Variants in DCC observed in about 807,000 individuals in gnomAD.
The protein encoded by DCC is netrin receptor DCC.
Under a neutral mutation model 172.5 loss-of-function variants are expected in DCC, and 58 were observed. The ratio of observed to expected loss-of-function variants is 0.34; its 90% confidence interval spans 0.27 to 0.42. The LOEUF is 0.42. Among genes scored for constraint, DCC ranks in the 10% least tolerant of loss-of-function variants. DCC has a pLI of 1.00. For synonymous variants in DCC, 709 were observed against 644.5 expected, an observed-to-expected ratio of 1.10 and a Z score of -1.52; for missense variants, 1,740 against 1,791.0, an observed-to-expected ratio of 0.97 and a Z score of 0.51.
intron 15 of DCC, among the ~76,000 whole-genome samples, chr18:53,358,352 G>A (rs776599059): frequency 4.6e-5 from 7 of 151,746 alleles, no homozygotes; most frequent in Non-Finnish European, 7.4e-5. Context: ...CATATGGCAG[G>A]CAGTTGTTTA....
chr18:53,444,565 C>T (rs1264488113), intron 22 of DCC, among the ~76,000 whole-genome samples: 1 of 152,178 alleles, frequency 6.6e-6, no homozygotes, highest in East Asian at 1.9e-4. Flanking sequence ...CCAACCTCAT[C>T]ACTCAGCAGC....
At chr18:52,551,551 T>C (rs1256490591) in intron 1 of DCC, among the ~76,000 whole-genome samples, 1 of 151,962 alleles carries the variant, frequency 6.6e-6, no homozygotes, top group Non-Finnish European at 1.5e-5. Context: ...GATAAGACAA[T>C]GATCCAGAAG....
At chr18:52,861,328 C>T (rs1383933281) in intron 2 of DCC, among the ~76,000 whole-genome samples, 1 of 152,168 alleles carries the variant, frequency 6.6e-6, no homozygotes, top group African/African-American at 2.4e-5. Flanking sequence ...ACTTCAATTC[C>T]TCAAAGCAGT....
chr18:53,425,379 A>ATTTTTTTTTTT, intron 21 of DCC, among the ~76,000 whole-genome samples: 1 of 38,302 alleles, frequency 2.6e-5, no homozygotes, highest in South Asian at 6.0e-4. Context: ...TTTTTTTTTG[A>ATTTTTTTTTTT]GACAGAGTCT....
At position 53,460,937 on chromosome 18, in the gene DCC, G is replaced by C. The variant is rs987364882; in HGVS notation, c.3619+1479G>C. On this transcript the variant is annotated intron_variant, in intron 24 of 28. Transcript: ENST00000442544. ...TCCTATTTCTCCACATCCTCTCCAG[G>C]ACCTGTTGTTTCCTGACTTTTTAAT... Among the ~76,000 whole-genome samples, 150 of 151,816 alleles carry C rather than the reference G, an allele frequency of 9.9e-4. 1 individual carries two copies. Among genetic ancestry groups the C allele is most frequent in the African/African-American group, 8.9e-4 (37 of 41,388 alleles).
intron 1 of DCC, among the ~76,000 whole-genome samples, chr18:52,369,346 A>G (rs981657465): frequency 6.6e-6 from 1 of 151,130 alleles, no homozygotes; most frequent in East Asian, 2.0e-4. Flanking sequence ...ATTTCTCCCC[A>G]CCTCAGGTCC....
At chr18:52,516,983 G>T (rs558241776) in intron 1 of DCC, among the ~76,000 whole-genome samples, 1 of 152,282 alleles carries the variant, frequency 6.6e-6, no homozygotes, top group African/African-American at 2.4e-5. Flanking sequence ...ATCTGTGTCT[G>T]TGTAACCAGG....
intron 1 of DCC, among the ~76,000 whole-genome samples, chr18:52,631,301 G>GA (rs989513178): frequency 1.1e-4 from 16 of 148,666 alleles, no homozygotes; most frequent in Admixed American, 6.0e-4. Flanking sequence ...GAGAGAGAAA[G>GA]AAAAAAAAAT....
chr18:53,402,569 A>G (rs1355751729), intron 18 of DCC, among the ~76,000 whole-genome samples: 7 of 152,062 alleles, frequency 4.6e-5, no homozygotes, highest in Admixed American at 1.3e-4. Context: ...TCTGTTCTCT[A>G]TAGTCACACC....
Position 52,926,359 on chromosome 18 carries a change from C to T in DCC, c.985+989C>T, listed in dbSNP as rs190180148. On this transcript the variant is annotated intron_variant, in intron 5 of 28. Coordinates refer to ENST00000442544, the MANE Select transcript of DCC (RefSeq NM_005215.4). ...TATCATGGGTTAGATAATGACGTTG[C>T]TTGTTCTTTGATCAAATCATAAACA... 1.3e-4 allele frequency among the ~76,000 whole-genome samples: 20 copies of T among 151,888 alleles called. 1 individual carries two copies. The highest frequency in any genetic ancestry group is 3.6e-4 in the African/African-American group (15 of 41,516).
chr18:52,936,931 A>AT (rs935162279), intron 5 of DCC, among the ~76,000 whole-genome samples: 7 of 152,240 alleles, frequency 4.6e-5, no homozygotes, highest in African/African-American at 1.2e-4. Flanking sequence ...TGTTTTTCTG[A>AT]TTTTTTATTC....
chr18:52,933,487 G>A (rs1326879255), intron 5 of DCC, among the ~76,000 whole-genome samples: 1 of 151,926 alleles, frequency 6.6e-6, no homozygotes, highest in Non-Finnish European at 1.5e-5. Context: ...TAGTAAATGT[G>A]CAAAGGTCTG....
chr18:53,112,190 A>T (rs547603490), intron 7 of DCC, among the ~76,000 whole-genome samples: 2 of 151,538 alleles, frequency 1.3e-5, no homozygotes, highest in Non-Finnish European at 3.0e-5. Context: ...GCATTTTAGG[A>T]CATAAAAACA....
At chr18:52,401,125 T>C (rs1167914900) in intron 1 of DCC, among the ~76,000 whole-genome samples, 1 of 151,738 alleles carries the variant, frequency 6.6e-6, no homozygotes, top group Non-Finnish European at 1.5e-5. Flanking sequence ...ATAATAATAA[T>C]AATGCATGTA....
At chr18:53,492,894 C>A (rs2045974857) in intron 26 of DCC, among the ~76,000 whole-genome samples, 2 of 152,128 alleles carry the variant, frequency 1.3e-5, no homozygotes, top group South Asian at 4.1e-4. Flanking sequence ...AGCGTTGAAT[C>A]TATAAATTAT....
intron 8 of DCC, among the ~76,000 whole-genome samples, chr18:53,176,699 G>A (rs2055100947): frequency 1.3e-5 from 2 of 151,768 alleles, no homozygotes; most frequent in Non-Finnish European, 2.9e-5. Context: ...GAGAGGATGT[G>A]GAGAAATAGG....
intron 2 of DCC, among the ~76,000 whole-genome samples, chr18:52,780,843 T>G (rs2037526629): frequency 6.6e-6 from 1 of 152,026 alleles, no homozygotes; most frequent in Non-Finnish European, 1.5e-5. Context: ...TACTTTGGAG[T>G]AGCATTTCTT....
chr18:53,057,598 A>G (rs768996220), intron 5 of DCC, among the ~76,000 whole-genome samples: 35 of 152,102 alleles, frequency 2.3e-4, no homozygotes, highest in Non-Finnish European at 4.9e-4. Flanking sequence ...TATTCCAGAG[A>G]AGGAAAGTAC....
chr18:53,428,383 TTG>T (rs1491468112), intron 21 of DCC, among the ~76,000 whole-genome samples: 9 of 48,206 alleles, frequency 1.9e-4, no homozygotes, highest in Admixed American at 6.5e-4. Flanking sequence ...TTATAATATA[TTG>T]TATATAATAT....
Sources: allele counts gnomAD v4.1 joint callset (sites outside exome capture counted in the v4.1 genomes callset), GRCh38; gene constraint gnomAD v4.1.1; transcripts MANE v1.5; gene names NCBI Gene and HGNC (gene_info 2026-07-23, HGNC 2026-07-21).